The following CSMD1 variants were observed in gnomAD, a reference collection of about 807,000 sequenced individuals.
The protein encoded by CSMD1 is CUB and Sushi multiple domains 1, also known as CUB and sushi domain-containing protein 1.
Under a neutral mutation model 417.5 loss-of-function variants are expected in CSMD1, and 213 were observed. That is an observed-to-expected ratio of 0.51 (90% CI 0.46 to 0.57). The LOEUF is 0.57. Ranked by LOEUF, CSMD1 falls within the 20% of genes least tolerant of loss-of-function variation. The pLI, the probability that CSMD1 is intolerant of heterozygous loss-of-function variation, is 0.00. For missense variants in CSMD1, 6,923 were observed against 4,529.7 expected (o/e 1.53, Z -15.17); for synonymous variants, 2,862 against 1,736.8 (o/e 1.65, Z -16.11).
Position 3,142,615 on chromosome 8 carries a change from G to C in CSMD1, c.6091C>G (p.Gln2031Glu), listed in dbSNP as rs1818574486. 1.9e-6 allele frequency: 3 copies of C among 1,613,796 alleles called. No homozygotes were observed. Among genetic ancestry groups the C allele is most frequent in the Admixed American group, 1.7e-5 (1 of 60,004 alleles). Residue 2031 changes from glutamine (Q) to glutamate (E), a missense_variant, in exon 41 of 70, where the codon CAA becomes GAA. By Grantham distance (29) the Gln-to-Glu change is conservative. Coordinates refer to ENST00000635120, the MANE Select transcript of CSMD1 (RefSeq NM_033225.6). The part of the protein sequence containing the change: ...TEANHDFLEI[Q>E]NGPYHTSPMI... The stretch of plus-strand genomic sequence containing the variant: ...GGGCTGGTGTGGTAAGGTCCATTTT[G>C]AATTTCAAGGAAGTCATGATTAGCT...
At chr8:3,778,266 T>C (rs931393068) in intron 5 of CSMD1, among the ~76,000 whole-genome samples, 1 of 152,246 alleles carries the variant, frequency 6.6e-6, no homozygotes, top group Non-Finnish European at 1.5e-5. Flanking sequence ...TATCACATTC[T>C]ATTTGCCTGT....
chr8:4,418,176 G>A (rs944151591), intron 3 of CSMD1, among the ~76,000 whole-genome samples: 18 of 151,504 alleles, frequency 1.2e-4, no homozygotes, highest in Admixed American at 2.6e-4. Context: ...GTCAACATCA[G>A]ACTATAATAT....
chr8:4,157,217 C>A (rs1428769373), intron 3 of CSMD1, among the ~76,000 whole-genome samples: 1 of 152,148 alleles, frequency 6.6e-6, no homozygotes, highest in African/African-American at 2.4e-5. Flanking sequence ...TCAGTGTCCA[C>A]AGAAGGAGTT....
At chr8:3,787,985 CTG>C (rs1165143405) in intron 5 of CSMD1, among the ~76,000 whole-genome samples, 1 of 152,170 alleles carries the variant, frequency 6.6e-6, no homozygotes, top group Non-Finnish European at 1.5e-5. Flanking sequence ...TAATTGGGAG[CTG>C]TGAGTTTTAG....
intron 26 of CSMD1, among the ~76,000 whole-genome samples, chr8:3,256,830 A>G (rs1800691667): frequency 6.6e-6 from 1 of 152,186 alleles, no homozygotes. Context: ...CAGGATTCTT[A>G]TTTTAATTTT....
chr8:4,005,832 A>G (rs1816067419), intron 4 of CSMD1, among the ~76,000 whole-genome samples: 1 of 152,210 alleles, frequency 6.6e-6, no homozygotes, highest in Admixed American at 6.5e-5. Context: ...CCGGATTGCT[A>G]GCATAAGCAC....
chr8:3,786,494 G>C (rs913191504), intron 5 of CSMD1, among the ~76,000 whole-genome samples: 1 of 152,176 alleles, frequency 6.6e-6, no homozygotes, highest in Non-Finnish European at 1.5e-5. Flanking sequence ...GATAGTGTCA[G>C]ACAACCTAGG....
chr8:3,031,885 C>G (rs1398184591), intron 50 of CSMD1, among the ~76,000 whole-genome samples: 3 of 149,410 alleles, frequency 2.0e-5, no homozygotes, highest in Non-Finnish European at 4.4e-5. Context: ...TTTGGCTATG[C>G]TATACCCTCA....
rs149306525 is a variant in CSMD1 at position 4,409,216 on chromosome 8, T to C, written c.415+10737A>G. Among the ~76,000 whole-genome samples, 461 of 152,320 alleles carry C rather than the reference T, an allele frequency of 3.0e-3. 2 individuals are homozygous for C. The highest frequency in any genetic ancestry group is 5.2e-3 in the Admixed American group (80 of 15,292). ...ATCTACAAAATGGAAATGAATTTGA[T>C]TGATGAAATTCGAATGCATTTTTAC... On this transcript the variant is annotated intron_variant, in intron 3 of 69. Coordinates refer to ENST00000635120, the MANE Select transcript of CSMD1 (RefSeq NM_033225.6).
intron 3 of CSMD1, among the ~76,000 whole-genome samples, chr8:4,342,225 GTGTGTGTC>G (rs1364554176): frequency 8.8e-5 from 1 of 11,360 alleles, no homozygotes; most frequent in Admixed American, 1.2e-3. Flanking sequence ...GTGTGTGTGT[GTGTGTGTC>G]TGTGTGTGTG....
intron 26 of CSMD1, among the ~76,000 whole-genome samples, chr8:3,262,217 A>ATCTATATATATATATC: frequency 8.1e-6 from 1 of 122,722 alleles, no homozygotes; most frequent in African/African-American, 3.2e-5. Context: ...ATATATATAT[A>ATCTATATATATATATC]TATATATATA....
chr8:3,214,766 G>C (rs1327568020), intron 29 of CSMD1, 75 bp from the exon 30 acceptor site: 6 of 1,237,070 alleles, frequency 4.9e-6, no homozygotes, highest in African/African-American at 1.5e-5. Context: ...TGTTGGGTTG[G>C]TTCTTTAATT....
chr8:3,869,828 T>A (rs1805359878), intron 5 of CSMD1, among the ~76,000 whole-genome samples: 1 of 152,020 alleles, frequency 6.6e-6, no homozygotes, highest in Non-Finnish European at 1.5e-5. Flanking sequence ...AACTGCCACT[T>A]AATAATCACA....
chr8:3,736,685 G>A (rs969223809), intron 6 of CSMD1, among the ~76,000 whole-genome samples: 2 of 152,198 alleles, frequency 1.3e-5, no homozygotes, highest in Admixed American at 6.5e-5. Context: ...AGCTTCCGCA[G>A]AATGGAGCTG....
At chr8:4,460,816 T>C (rs1214424855) in intron 2 of CSMD1, among the ~76,000 whole-genome samples, 6 of 152,170 alleles carry the variant, frequency 3.9e-5, no homozygotes, top group Non-Finnish European at 1.5e-5. Context: ...CAGGCTCAAA[T>C]GGCTTCACTG....
At chr8:4,536,831 C>T (rs1304686344) in intron 2 of CSMD1, among the ~76,000 whole-genome samples, 1 of 152,184 alleles carries the variant, frequency 6.6e-6, no homozygotes, top group African/African-American at 2.4e-5. Flanking sequence ...AATTTCCTTT[C>T]ACAAGGGGTG....
chr8:3,665,991 C>T (rs1040646136), intron 7 of CSMD1, among the ~76,000 whole-genome samples: 1 of 152,130 alleles, frequency 6.6e-6, no homozygotes, highest in African/African-American at 2.4e-5. Context: ...GATTTTCCTG[C>T]CTTAGCCTCC....
At chr8:4,757,502 C>T (rs76711460) in intron 1 of CSMD1, among the ~76,000 whole-genome samples, 1 of 152,154 alleles carries the variant, frequency 6.6e-6, no homozygotes, top group African/African-American at 2.4e-5. Context: ...GCTAGGCACA[C>T]TGCAAGAGGG....
intron 5 of CSMD1, among the ~76,000 whole-genome samples, chr8:3,823,798 A>G (rs1415999646): frequency 6.6e-6 from 1 of 152,188 alleles, no homozygotes; most frequent in Non-Finnish European, 1.5e-5. Flanking sequence ...TTTAACATAA[A>G]TATGTTAAAA....
Sources: gnomAD v4.1 joint callset for allele counts (sites outside exome capture counted in the v4.1 genomes callset) on GRCh38, gnomAD v4.1.1 for gene constraint, MANE v1.5 for transcripts, NCBI Gene and HGNC (gene_info 2026-07-23, HGNC 2026-07-21) for gene names.